Variants in PPP2R2B observed in about 807,000 individuals in gnomAD.
PPP2R2B encodes serine/threonine-protein phosphatase 2A 55 kDa regulatory subunit B beta isoform.
Under a neutral mutation model 46.0 loss-of-function variants are expected in PPP2R2B, and 5 were observed. The ratio of observed to expected loss-of-function variants is 0.11; its 90% CI spans 0.06 to 0.23. The LOEUF is 0.23. Ranked by LOEUF, PPP2R2B falls within the 10% of genes least tolerant of loss-of-function variation. The pLI, the probability that PPP2R2B is intolerant of heterozygous loss-of-function variation, is 1.00. For synonymous variants in PPP2R2B, 215 were observed against 206.7 expected, an observed-to-expected ratio of 1.04 and a Z score of -0.34; for missense variants, 367 against 575.0, an observed-to-expected ratio of 0.64 and a Z score of 3.70.
intron 2 of PPP2R2B, among the ~76,000 whole-genome samples, chr5:146,835,631 A>G (rs989116910): frequency 1.3e-5 from 2 of 152,190 alleles, no homozygotes; most frequent in African/African-American, 2.4e-5. Context: ...CTACTGATGA[A>G]GAAACTGAAG....
intron 1 of PPP2R2B, among the ~76,000 whole-genome samples, chr5:146,937,658 G>A (rs979916983): frequency 2.0e-5 from 3 of 152,088 alleles, no homozygotes; most frequent in African/African-American, 4.8e-5. Context: ...CATCCTTTGA[G>A]CTAGAGTGAG....
intron 7 of PPP2R2B, among the ~76,000 whole-genome samples, chr5:146,625,900 A>C (rs754760762): frequency 6.6e-5 from 10 of 152,158 alleles, no homozygotes; most frequent in African/African-American, 2.4e-4. Flanking sequence ...AGACAGAGAG[A>C]TGTGATATGA....
intron 2 of PPP2R2B, among the ~76,000 whole-genome samples, chr5:146,845,483 G>A (rs1040196635): frequency 1.3e-5 from 2 of 151,764 alleles, no homozygotes; most frequent in African/African-American, 4.8e-5. Flanking sequence ...TTGATCTCCT[G>A]ACCTCGTGAT....
chr5:146,893,754 C>T (rs552790927), intron 1 of PPP2R2B, among the ~76,000 whole-genome samples: 5 of 152,124 alleles, frequency 3.3e-5, no homozygotes, highest in South Asian at 2.1e-4. Flanking sequence ...AGGACAAATA[C>T]CTAATGCATG....
chr5:147,021,654 A>G (rs1755272884), intron 1 of PPP2R2B, among the ~76,000 whole-genome samples: 2 of 152,224 alleles, frequency 1.3e-5, no homozygotes, highest in African/African-American at 2.4e-5. Flanking sequence ...AGATTCATTC[A>G]AGCAAACCTT....
At chr5:146,952,002 T>A (rs1751635917) in intron 1 of PPP2R2B, among the ~76,000 whole-genome samples, 1 of 148,588 alleles carries the variant, frequency 6.7e-6, no homozygotes, top group East Asian at 2.0e-4. Context: ...TTAAAGCTCC[T>A]CAGTGACTTA....
intron 7 of PPP2R2B, among the ~76,000 whole-genome samples, chr5:146,601,828 C>T (rs1771810950): frequency 6.6e-6 from 1 of 152,208 alleles, no homozygotes; most frequent in African/African-American, 2.4e-5. Context: ...ATTGAACCCA[C>T]AATGTCTTTT....
intron 2 of PPP2R2B, among the ~76,000 whole-genome samples, chr5:146,858,514 T>A (rs1034439807): frequency 2.0e-5 from 3 of 152,126 alleles, no homozygotes; most frequent in Admixed American, 6.5e-5. Context: ...AATGAGCCCA[T>A]CTTCTTATCA....
At chr5:146,930,132 T>C (rs1582447672) in intron 1 of PPP2R2B, among the ~76,000 whole-genome samples, 1 of 152,140 alleles carries the variant, frequency 6.6e-6, no homozygotes, top group East Asian at 1.9e-4. Context: ...GGTTATGTGA[T>C]AGAAAGAGTG....
At chr5:146,746,659 A>G (rs543694629) in intron 2 of PPP2R2B, among the ~76,000 whole-genome samples, 2 of 152,264 alleles carry the variant, frequency 1.3e-5, no homozygotes, top group African/African-American at 4.8e-5. Flanking sequence ...TGCTATCCCC[A>G]TTTCTTCTAA....
intron 2 of PPP2R2B, among the ~76,000 whole-genome samples, chr5:146,833,806 C>T (rs1446884252): frequency 6.9e-6 from 1 of 145,406 alleles, no homozygotes; most frequent in Non-Finnish European, 1.5e-5. Context: ...AATTACTGAT[C>T]CCCTCATCCC....
chr5:146,735,588 T>A (rs552607661), intron 2 of PPP2R2B, among the ~76,000 whole-genome samples: 1 of 151,640 alleles, frequency 6.6e-6, no homozygotes, highest in South Asian at 2.1e-4. Context: ...AAAAAAAGAG[T>A]CTCACACTCA....
intron 5 of PPP2R2B, among the ~76,000 whole-genome samples, chr5:146,660,712 A>T (rs890127826): frequency 2.0e-5 from 3 of 152,234 alleles, no homozygotes; most frequent in Non-Finnish European, 4.4e-5. Flanking sequence ...TGGCTTTGTC[A>T]TACAGATTGA....
intron 2 of PPP2R2B, among the ~76,000 whole-genome samples, chr5:146,799,716 T>C (rs144489874): frequency 0.011 from 1,689 of 152,364 alleles, 18 homozygotes; most frequent in Non-Finnish European, 0.019. Context: ...TCTCTGCTAA[T>C]GACTATGATT....
Position 146,877,846 on chromosome 5 carries a change from C to A in PPP2R2B, c.70+156G>T, listed in dbSNP as rs113565190. ...TCGCCTCGCGGAGCCCGGATGGATG[C>A]GAGGTGCACTGGGGCTGCCGGGGCC... On this transcript the variant is annotated intron_variant, in intron 2 of 9. Coordinates refer to ENST00000394411, the MANE Select transcript of PPP2R2B (RefSeq NM_181675.4). 6.1e-3 allele frequency among the ~76,000 whole-genome samples: 927 copies of A among 152,314 alleles called. 8 individuals carry two copies. Among genetic ancestry groups the A allele is most frequent in the African/African-American group, 0.021 (869 of 41,564 alleles).
intron 2 of PPP2R2B, among the ~76,000 whole-genome samples, chr5:147,070,409 CA>C (rs1469558975): frequency 1.3e-5 from 2 of 152,078 alleles, no homozygotes; most frequent in Non-Finnish European, 2.9e-5. Context: ...AAACCTTGAG[CA>C]AAAAACCAGG....
At chr5:146,920,180 G>T (rs1763546654) in intron 1 of PPP2R2B, among the ~76,000 whole-genome samples, 1 of 152,152 alleles carries the variant, frequency 6.6e-6, no homozygotes, top group African/African-American at 2.4e-5. Flanking sequence ...AAAGGTGGCT[G>T]GGCAGAAAAG....
intron 1 of PPP2R2B, among the ~76,000 whole-genome samples, chr5:146,997,860 G>A (rs1753992161): frequency 1.3e-5 from 2 of 152,178 alleles, no homozygotes; most frequent in Admixed American, 6.5e-5. Flanking sequence ...AAATATAAGT[G>A]CTGGGTTTTG....
At position 146,589,875 on chromosome 5, in the gene PPP2R2B, C is replaced by T. The variant is rs1005816036; in HGVS notation, c.*72G>A. ...TTAAAGTCAATGCATCAAATGAAGACCCAAAGAAACATTTAAAAACTTGTT... is the reference window on the plus strand; with the variant it reads ...TTAAAGTCAATGCATCAAATGAAGATCCAAAGAAACATTTAAAAACTTGTT... On this transcript the variant is annotated 3_prime_UTR_variant, in exon 10 of 10. Transcript: ENST00000394411. The T allele has an allele frequency of 6.9e-7, 1 of 1,442,190 alleles. No individual in the cohort carries two copies. Among genetic ancestry groups the T allele is most frequent in the Non-Finnish European group, 9.6e-7 (1 of 1,046,396 alleles). 89.3% of individuals were successfully genotyped at this position (1,442,190 alleles called of 1,614,324 possible). A position where few individuals can be genotyped will look rare whatever the true frequency, so the allele number is the denominator to read the frequency against.
Sources: allele counts gnomAD v4.1 joint callset (sites outside exome capture counted in the v4.1 genomes callset), GRCh38; gene constraint gnomAD v4.1.1; transcripts MANE v1.5; gene names NCBI Gene and HGNC (gene_info 2026-07-23, HGNC 2026-07-21).